The following ZNF385D variants were observed in gnomAD, a reference collection of about 807,000 sequenced individuals.
The protein encoded by ZNF385D is zinc finger protein 385D.
A neutral mutation model predicts 35.8 loss-of-function variants in ZNF385D; 15 were observed. That is an observed-to-expected ratio of 0.42 (90% CI 0.28 to 0.64). The LOEUF is 0.64. ZNF385D is among the 30% of genes least tolerant of loss of function. The pLI is 0.23. For missense variants in ZNF385D, 474 were observed against 494.6 expected (o/e 0.96, Z 0.39); for synonymous variants, 212 against 186.8 (o/e 1.13, Z -1.10).
At chr3:22,105,023 A>C (rs1277006477) in intron 3 of ZNF385D, among the ~76,000 whole-genome samples, 4 of 152,160 alleles carry the variant, frequency 2.6e-5, no homozygotes, top group African/African-American at 9.7e-5. Flanking sequence ...AAAACTGCTA[A>C]CATGTTTAAA....
intron 2 of ZNF385D, among the ~76,000 whole-genome samples, chr3:22,325,521 T>C (rs1694634296): frequency 6.6e-6 from 1 of 152,180 alleles, no homozygotes. Context: ...CCCAGCACCT[T>C]GGGACGCTGA....
rs563617338 is a variant in ZNF385D at position 22,363,819 on chromosome 3, T to C, written c.106+8631A>G. Reference sequence around the variant, plus strand: ...CTTTTTAAACTTTTTAAAAGTATAATTCAAATACAGAGTACTGCATAGATC... The same window carrying C: ...CTTTTTAAACTTTTTAAAAGTATAACTCAAATACAGAGTACTGCATAGATC... On this transcript the variant is annotated intron_variant, in intron 2 of 5. Coordinates refer to the ZNF385D transcript ENST00000494108. Among the ~76,000 whole-genome samples, 7 of 152,236 alleles carry C rather than the reference T, an allele frequency of 4.6e-5. No individual in the cohort carries two copies. In the South Asian group the frequency reaches 1.4e-3, roughly 32 times the overall value.
chr3:21,530,773 G>A (rs577251348), intron 3 of ZNF385D, among the ~76,000 whole-genome samples: 1 of 152,104 alleles, frequency 6.6e-6, no homozygotes, highest in Admixed American at 6.5e-5. Context: ...TCCATCTAAA[G>A]GAAAAGAAGA....
At chr3:21,461,768 A>T (rs954661819) in intron 4 of ZNF385D, among the ~76,000 whole-genome samples, 1 of 152,220 alleles carries the variant, frequency 6.6e-6, no homozygotes, top group African/African-American at 2.4e-5. Flanking sequence ...GTAGCTGTAC[A>T]TTTCAAATGC....
chr3:21,919,048 T>C (rs1035354253), intron 3 of ZNF385D, among the ~76,000 whole-genome samples: 1 of 152,218 alleles, frequency 6.6e-6, no homozygotes, highest in African/African-American at 2.4e-5. Context: ...TTAAATAGTA[T>C]CGTGGACATG....
At chr3:22,175,657 CG>C (rs1694774850) in intron 2 of ZNF385D, among the ~76,000 whole-genome samples, 1 of 151,474 alleles carries the variant, frequency 6.6e-6, no homozygotes, top group Non-Finnish European at 1.5e-5. Context: ...GAAAAAAATA[CG>C]TAGTAACTTT....
intron 7 of ZNF385D, 21 bp from the exon 8 acceptor site, chr3:21,421,468 T>A: frequency 1.3e-6 from 2 of 1,576,736 alleles, no homozygotes; most frequent in African/African-American, 1.4e-5. Flanking sequence ...GAAAAAATAT[T>A]GTAAAAAAAA....
intron 3 of ZNF385D, among the ~76,000 whole-genome samples, chr3:21,911,429 G>A (rs996571819): frequency 9.9e-5 from 15 of 151,874 alleles, no homozygotes; most frequent in African/African-American, 3.4e-4. Context: ...GGAGAAATGA[G>A]CTCATATTCT....
chr3:21,759,705 G>C (rs11720963), intron 3 of ZNF385D, among the ~76,000 whole-genome samples: 22,912 of 152,026 alleles, frequency 0.15, 2,509 homozygotes, highest in African/African-American at 0.31. Context: ...AGCCCTCCCA[G>C]ACCCAGAGAC....
chr3:22,162,090 T>C (rs184520901), intron 3 of ZNF385D, among the ~76,000 whole-genome samples: 73 of 152,318 alleles, frequency 4.8e-4, no homozygotes, highest in African/African-American at 1.6e-3. Context: ...CCTTCTCATT[T>C]CTTTTGCATT....
At chr3:21,504,021 G>A (rs559438371) in intron 4 of ZNF385D, among the ~76,000 whole-genome samples, 92 of 152,240 alleles carry the variant, frequency 6.0e-4, no homozygotes, top group African/African-American at 2.1e-3. Context: ...TGAGTGAAAA[G>A]TGCAAATTTA....
intron 3 of ZNF385D, among the ~76,000 whole-genome samples, chr3:21,850,057 T>C (rs1272491235): frequency 6.6e-6 from 1 of 152,104 alleles, no homozygotes; most frequent in Non-Finnish European, 1.5e-5. Flanking sequence ...AATTGTTTAT[T>C]GAGTTTAAAT....
intron 3 of ZNF385D, chr3:21,878,017 T>C (rs1421088548): frequency 1.3e-5 from 2 of 152,058 alleles, no homozygotes; most frequent in Non-Finnish European, 2.9e-5. Context: ...ACCTTAAATA[T>C]ATTCTTCCAT....
intron 3 of ZNF385D, among the ~76,000 whole-genome samples, chr3:21,840,234 G>C (rs1164206780): frequency 6.6e-6 from 1 of 152,034 alleles, no homozygotes; most frequent in Non-Finnish European, 1.5e-5. Context: ...ACACATGCAA[G>C]ACATGGGGTA....
At chr3:22,252,542 A>G (rs1272346309) in intron 2 of ZNF385D, among the ~76,000 whole-genome samples, 3 of 152,040 alleles carry the variant, frequency 2.0e-5, no homozygotes, top group Non-Finnish European at 2.9e-5. Flanking sequence ...ACTGTCAAAG[A>G]AAATTACCAT....
intron 3 of ZNF385D, among the ~76,000 whole-genome samples, chr3:21,528,437 C>A (rs2061836276): frequency 6.6e-6 from 1 of 152,102 alleles, no homozygotes. Flanking sequence ...TGCAACATGT[C>A]CAGCCCTGAT....
rs7622734 is a variant in ZNF385D at position 22,200,228 on chromosome 3, G to A, written c.107-31193C>T. Among the ~76,000 whole-genome samples the A allele has an allele frequency of 9.7e-3, 1,480 of 152,056 alleles. 25 individuals are homozygous for A. The highest frequency in any genetic ancestry group is 0.034 in the African/African-American group (1,405 of 41,508). ...AAACTTTCATCCTGGCAAGATTATC[G>A]GGGAACATGCCCCGATAGTCATGTT... On this transcript the variant is annotated intron_variant, in intron 2 of 5. Coordinates refer to the ZNF385D transcript ENST00000494108.
intron 3 of ZNF385D, among the ~76,000 whole-genome samples, chr3:21,956,126 G>A (rs754211956): frequency 2.6e-5 from 4 of 151,966 alleles, no homozygotes; most frequent in African/African-American, 4.8e-5. Context: ...GATAGAGGCT[G>A]CAGTGAGCCG....
intron 3 of ZNF385D, among the ~76,000 whole-genome samples, chr3:21,782,973 T>A (rs2071549466): frequency 6.6e-6 from 1 of 152,124 alleles, no homozygotes; most frequent in African/African-American, 2.4e-5. Flanking sequence ...AGAAGCTAAC[T>A]ATTAACTAAA....
Sources: gnomAD v4.1 joint callset for allele counts (sites outside exome capture counted in the v4.1 genomes callset) on GRCh38, gnomAD v4.1.1 for gene constraint, MANE v1.5 for transcripts, NCBI Gene and HGNC (gene_info 2026-07-23, HGNC 2026-07-21) for gene names.